Variants in SLC35F1 observed in about 807,000 individuals in gnomAD.
SLC35F1 encodes solute carrier family 35 member F1.
Under a neutral mutation model 48.7 loss-of-function variants are expected in SLC35F1, and 14 were observed. The ratio of observed to expected loss-of-function variants is 0.29; its 90% CI spans 0.19 to 0.45. The LOEUF is 0.45. Ranked by LOEUF, SLC35F1 falls within the 20% of genes least tolerant of loss-of-function variation. The probability of loss-of-function intolerance (pLI) is 1.00; values close to 1 mark genes in which losing one functional copy is unlikely to be tolerated. For missense variants in SLC35F1, 404 were observed against 500.0 expected (o/e 0.81, Z 1.83); for synonymous variants, 190 against 202.2 (o/e 0.94, Z 0.51).
chr6:117,911,389 T>TCCCCCCCCCCCCCCCCCCCCCCCCCC (rs1775760101), intron 1 of SLC35F1, among the ~76,000 whole-genome samples: 1 of 43,784 alleles, frequency 2.3e-5, no homozygotes, highest in African/African-American at 7.4e-5. Context: ...TTCCCTCCCC[T>TCCCCCCCCCCCCCCCCCCCCCCCCCC]CCCCTCCCCT....
At chr6:118,168,042 C>T (rs961819438) in intron 2 of SLC35F1, among the ~76,000 whole-genome samples, 1 of 152,128 alleles carries the variant, frequency 6.6e-6, no homozygotes, top group Non-Finnish European at 1.5e-5. Context: ...CTTAGCCTTT[C>T]TTCAGTTGTT....
At chr6:118,227,794 G>A (rs1453132524) in intron 2 of SLC35F1, among the ~76,000 whole-genome samples, 1 of 152,198 alleles carries the variant, frequency 6.6e-6, no homozygotes, top group Non-Finnish European at 1.5e-5. Context: ...AATTTGAGAA[G>A]GCTTCATGTG....
chr6:117,959,773 C>G (rs895328904), intron 1 of SLC35F1, among the ~76,000 whole-genome samples: 2 of 152,040 alleles, frequency 1.3e-5, no homozygotes, highest in East Asian at 1.9e-4. Context: ...TATATAAATG[C>G]ATAAAGAATG....
At chr6:118,095,677 G>A (rs549461405) in intron 1 of SLC35F1, among the ~76,000 whole-genome samples, 2 of 152,204 alleles carry the variant, frequency 1.3e-5, no homozygotes, top group South Asian at 4.2e-4. Context: ...ACATCATGGA[G>A]GTTCCTTGAC....
At chr6:118,183,284 A>G (rs1352146114) in intron 2 of SLC35F1, among the ~76,000 whole-genome samples, 1 of 152,204 alleles carries the variant, frequency 6.6e-6, no homozygotes, top group Non-Finnish European at 1.5e-5. Flanking sequence ...ATAAGGTTAG[A>G]GGTGAGTTCC....
At chr6:118,085,669 T>C (rs899768308) in intron 1 of SLC35F1, among the ~76,000 whole-genome samples, 1 of 150,010 alleles carries the variant, frequency 6.7e-6, no homozygotes, top group Non-Finnish European at 1.5e-5. Context: ...CTTTAAGATA[T>C]GTCATGCCAA....
intron 1 of SLC35F1, among the ~76,000 whole-genome samples, chr6:117,992,609 G>C (rs922875502): frequency 1.3e-5 from 2 of 152,200 alleles, no homozygotes; most frequent in Admixed American, 6.5e-5. Flanking sequence ...TTCTGACTGA[G>C]AGAAATTGCT....
At chr6:117,988,183 G>A (rs1011656144) in intron 1 of SLC35F1, among the ~76,000 whole-genome samples, 1 of 152,174 alleles carries the variant, frequency 6.6e-6, no homozygotes, top group Non-Finnish European at 1.5e-5. Context: ...TACAGCAGGT[G>A]CCCAACCATA....
At chr6:118,019,547 G>A (rs2114883196) in intron 1 of SLC35F1, among the ~76,000 whole-genome samples, 1 of 152,218 alleles carries the variant, frequency 6.6e-6, no homozygotes, top group African/African-American at 2.4e-5. Context: ...GCTTGAACCT[G>A]GGAGGCAGAG....
chr6:117,956,181 A>G (rs1457067772), intron 1 of SLC35F1, among the ~76,000 whole-genome samples: 1 of 152,210 alleles, frequency 6.6e-6, no homozygotes, highest in Non-Finnish European at 1.5e-5. Context: ...GCCCCAGGGT[A>G]GTGCACAAAT....
rs538500837 is a variant in SLC35F1 at position 118,315,649 on chromosome 6, C to G, written c.*1397C>G. On this transcript the variant is annotated 3_prime_UTR_variant, in exon 8 of 8. Transcript: ENST00000360388. ...AGAGATGGGGTTTCACCGTGTTAGC[C>G]AGGATGGTCTCGATCTCCTGACCTC... 3.9e-5 allele frequency: 6 copies of G among 152,050 alleles called. No individual in the cohort carries two copies. Among genetic ancestry groups the G allele is most frequent in the African/African-American group, 7.2e-5 (3 of 41,382 alleles). The allele number at this position is 152,050 out of a possible 1,614,324, so 9.4% of individuals were successfully genotyped here.
chr6:118,068,659 C>T (rs571163638), intron 1 of SLC35F1, among the ~76,000 whole-genome samples: 8 of 152,100 alleles, frequency 5.3e-5, no homozygotes, highest in Non-Finnish European at 1.0e-4. Flanking sequence ...ATTATCCCCC[C>T]TTAAGATGAT....
At chr6:117,910,022 G>A (rs185228650) in intron 1 of SLC35F1, among the ~76,000 whole-genome samples, 8 of 152,164 alleles carry the variant, frequency 5.3e-5, no homozygotes, top group Admixed American at 2.6e-4. Flanking sequence ...TTTGTATTGA[G>A]TAACTGGCTT....
At chr6:118,114,530 C>T (rs377667180) in intron 1 of SLC35F1, among the ~76,000 whole-genome samples, 61 of 147,406 alleles carry the variant, frequency 4.1e-4, no homozygotes, top group South Asian at 1.5e-3. Flanking sequence ...CCCGCCACCA[C>T]GCCCAGCTAT....
Position 117,939,028 on chromosome 6 carries a change from G to A in SLC35F1, c.173+31129G>A, listed in dbSNP as rs556848946. Among the ~76,000 whole-genome samples the A allele has an allele frequency of 8.4e-4, 97 of 114,982 alleles. 1 individual carries two copies. The East Asian group carries it at 0.017, about 20-fold the overall frequency. The allele number at this position is 114,982 out of a possible 152,430, so 75.4% of individuals were successfully genotyped here. A position where few individuals can be genotyped will look rare whatever the true frequency, so the allele number is the denominator to read the frequency against. ...TTGTTCTTTTTTTTTTTTTTTTTCC[G>A]GAGACAGCCTCCTGCTATGTCACCC... On this transcript the variant is annotated intron_variant, in intron 1 of 7. Transcript: ENST00000360388.
chr6:118,179,824 C>G (rs1420818517), intron 2 of SLC35F1, among the ~76,000 whole-genome samples: 3 of 152,120 alleles, frequency 2.0e-5, no homozygotes, highest in Non-Finnish European at 4.4e-5. Flanking sequence ...GACAGACACT[C>G]TCACGCTGGT....
chr6:118,015,901 A>T (rs1777314336), intron 1 of SLC35F1, among the ~76,000 whole-genome samples: 1 of 152,210 alleles, frequency 6.6e-6, no homozygotes, highest in Admixed American at 6.5e-5. Flanking sequence ...TTTCTCAGAA[A>T]TAGACAGTGT....
intron 1 of SLC35F1, among the ~76,000 whole-genome samples, chr6:117,914,182 A>G (rs1355805473): frequency 6.6e-6 from 1 of 151,912 alleles, no homozygotes; most frequent in Admixed American, 6.6e-5. Flanking sequence ...GTGTGTGTAT[A>G]TATATAGAGA....
intron 2 of SLC35F1, among the ~76,000 whole-genome samples, chr6:118,186,958 C>T (rs1352973214): frequency 6.6e-6 from 1 of 152,216 alleles, no homozygotes; most frequent in Non-Finnish European, 1.5e-5. Context: ...CCCAGCCCTT[C>T]CAGAGATTCC....
Sources: gnomAD v4.1 joint callset for allele counts (sites outside exome capture counted in the v4.1 genomes callset) on GRCh38, gnomAD v4.1.1 for gene constraint, MANE v1.5 for transcripts, NCBI Gene and HGNC (gene_info 2026-07-23, HGNC 2026-07-21) for gene names.